The following LHFPL3 variants were observed in gnomAD, a reference collection of about 807,000 sequenced individuals.
LHFPL3 encodes the protein LHFPL tetraspan subfamily member 3 protein.
In LHFPL3, 5 loss-of-function variants were observed where a neutral mutation model predicts 19.3. The observed-to-expected ratio is 0.26, with a 90% CI of 0.14 to 0.54. The LOEUF is 0.54. Ranked by LOEUF, LHFPL3 falls within the 20% of genes least tolerant of loss-of-function variation. LHFPL3 has a pLI of 0.94. For synonymous variants in LHFPL3, 133 were observed against 126.2 expected (o/e 1.05, Z -0.36); for missense variants, 249 against 307.4 (o/e 0.81, Z 1.42).
chr7:104,406,345 G>T (rs771484567), intron 1 of LHFPL3, among the ~76,000 whole-genome samples: 1 of 152,210 alleles, frequency 6.6e-6, no homozygotes, highest in African/African-American at 2.4e-5. Flanking sequence ...GGCCAGGTTG[G>T]AAATATTAAG....
intron 1 of LHFPL3, among the ~76,000 whole-genome samples, chr7:104,622,408 C>T (rs1791462642): frequency 6.6e-6 from 1 of 152,188 alleles, no homozygotes; most frequent in Admixed American, 6.5e-5. Context: ...CCACTGCTCC[C>T]AGCCTTTAAA....
chr7:104,615,558 T>C (rs557608370), intron 1 of LHFPL3, among the ~76,000 whole-genome samples: 16 of 152,322 alleles, frequency 1.1e-4, no homozygotes, highest in African/African-American at 3.8e-4. Context: ...AGTTCTAGGA[T>C]ACATGTGCAG....
chr7:104,901,669 A>G, intron 2 of LHFPL3, among the ~76,000 whole-genome samples: 1 of 151,926 alleles, frequency 6.6e-6, no homozygotes, highest in Non-Finnish European at 1.5e-5. Flanking sequence ...CTGGTCTCAA[A>G]CGATCCTCCC....
At chr7:104,580,390 T>A (rs1182459334) in intron 1 of LHFPL3, among the ~76,000 whole-genome samples, 1 of 152,184 alleles carries the variant, frequency 6.6e-6, no homozygotes, top group Admixed American at 6.6e-5. Flanking sequence ...ATCACCCATG[T>A]ACTTGCCACC....
At chr7:104,425,134 C>T (rs911312748) in intron 1 of LHFPL3, among the ~76,000 whole-genome samples, 7 of 151,556 alleles carry the variant, frequency 4.6e-5, no homozygotes, top group African/African-American at 1.2e-4. Flanking sequence ...CTGATCACTA[C>T]ATAGTAGGGC....
At position 104,704,629 on chromosome 7, in the gene LHFPL3, T is replaced by A. The variant is rs138704842; in HGVS notation, c.446-32046T>A. Among the ~76,000 whole-genome samples, 215 of 98,590 alleles carry A rather than the reference T, an allele frequency of 2.2e-3. 2 individuals are homozygous for A. Among genetic ancestry groups the A allele is most frequent in the African/African-American group, 7.6e-3 (200 of 26,406 alleles). 64.7% of individuals were successfully genotyped at this position (98,590 alleles called of 152,430 possible). ...CAGGCAGGTGATATCTTAATCAGAA[T>A]TCTTTATTTCTTTTTTTTTTTTTTT... On this transcript the variant is annotated intron_variant, in intron 1 of 2. Coordinates refer to ENST00000424859, the MANE Select transcript of LHFPL3 (RefSeq NM_199000.3).
At chr7:104,666,851 G>A (rs1792364099) in intron 1 of LHFPL3, among the ~76,000 whole-genome samples, 1 of 151,944 alleles carries the variant, frequency 6.6e-6, no homozygotes, top group Non-Finnish European at 1.5e-5. Context: ...TAGCTGAGTA[G>A]TATTACATTT....
At chr7:104,594,709 A>C (rs4730026) in intron 1 of LHFPL3, among the ~76,000 whole-genome samples, 148,068 of 152,250 alleles carry the variant, frequency 0.97, 72,109 homozygotes, top group East Asian at 1. Flanking sequence ...CACATAGTCC[A>C]ATATTCCTTG....
chr7:104,565,717 GTCTGTCTATCTA>G lies in LHFPL3; in HGVS notation c.446-170954_446-170943del, dbSNP rs1445728098. Among the ~76,000 whole-genome samples the G allele has an allele frequency of 2.0e-3, 243 of 121,720 alleles. 2 individuals are homozygous for G. The highest frequency in any genetic ancestry group is 7.5e-3 in the African/African-American group (228 of 30,520). 79.9% of individuals were successfully genotyped at this position (121,720 alleles called of 152,430 possible). A position where few individuals can be genotyped will look rare whatever the true frequency, so the allele number is the denominator to read the frequency against. ...CAAGTTTCCCTGCACCTTCCTGTCT[GTCTGTCTATCTA>G]TCTATCTATCTATCTATCTATCTAT... On this transcript the variant is annotated intron_variant, in intron 1 of 2. Coordinates refer to ENST00000424859, the MANE Select transcript of LHFPL3 (RefSeq NM_199000.3).
chr7:104,473,951 A>T (rs1042317839), intron 1 of LHFPL3, among the ~76,000 whole-genome samples: 5 of 152,190 alleles, frequency 3.3e-5, no homozygotes, highest in African/African-American at 1.2e-4. Context: ...TTTCTCCTGC[A>T]TGTGCGTGCA....
rs1006282646 is a variant in LHFPL3 at position 104,804,405 on chromosome 7, C to T, written c.682+67494C>T. 1.1e-4 allele frequency among the ~76,000 whole-genome samples: 17 copies of T among 152,332 alleles called. No individual in the cohort carries two copies. In the South Asian group the frequency reaches 1.2e-3, roughly 11 times the overall value. On this transcript the variant is annotated intron_variant, in intron 2 of 2. Transcript: ENST00000424859. Reference sequence around the variant, plus strand: ...GGATGTCTGCCATCACTTTCTTCCACGTGATGGGCAAACTCTAGATGACCC... The same window carrying T: ...GGATGTCTGCCATCACTTTCTTCCATGTGATGGGCAAACTCTAGATGACCC...
At chr7:104,360,965 A>G (rs1382482640) in intron 1 of LHFPL3, among the ~76,000 whole-genome samples, 1 of 152,198 alleles carries the variant, frequency 6.6e-6, no homozygotes, top group African/African-American at 2.4e-5. Context: ...AATGACTTTT[A>G]CATTTTTTAA....
At chr7:104,814,095 G>A (rs1363541031) in intron 2 of LHFPL3, among the ~76,000 whole-genome samples, 1 of 152,194 alleles carries the variant, frequency 6.6e-6, no homozygotes, top group African/African-American at 2.4e-5. Flanking sequence ...CAGCTCAGAG[G>A]ATGCCTGCAG....
chr7:104,656,238 C>CT (rs34805214), intron 1 of LHFPL3, among the ~76,000 whole-genome samples: 19 of 149,588 alleles, frequency 1.3e-4, no homozygotes, highest in African/African-American at 2.7e-4. Context: ...CCACAGAGGA[C>CT]TTTTTTTTTT....
chr7:104,651,446 C>A (rs1175257683), intron 1 of LHFPL3, among the ~76,000 whole-genome samples: 2 of 152,196 alleles, frequency 1.3e-5, no homozygotes, highest in Non-Finnish European at 2.9e-5. Context: ...GATCCTGGGG[C>A]CTTGGCACCT....
At position 104,655,598 on chromosome 7, in the gene LHFPL3, C is replaced by T. The variant is rs142476938; in HGVS notation, c.446-81077C>T. 7.2e-3 allele frequency among the ~76,000 whole-genome samples: 1,102 copies of T among 152,220 alleles called. 17 individuals are homozygous for T. The highest frequency in any genetic ancestry group is 0.025 in the African/African-American group (1,039 of 41,530). ...GGTCAAATACATGTATTTCTTGTAT[C>T]GGATTGTTTGTAGTAGGGAATTTTG... On this transcript the variant is annotated intron_variant, in intron 1 of 2. Coordinates refer to ENST00000424859, the MANE Select transcript of LHFPL3 (RefSeq NM_199000.3).
At chr7:104,438,826 C>A (rs955729378) in intron 1 of LHFPL3, among the ~76,000 whole-genome samples, 1 of 147,148 alleles carries the variant, frequency 6.8e-6, no homozygotes, top group Non-Finnish European at 1.5e-5. Flanking sequence ...TTTAAAAAAA[C>A]AACAAAATTG....
rs564622523 is a variant in LHFPL3, at chr7:104,558,579, G to A, written c.446-178096G>A. ...AGTTCATTGTAGATTCTGGATATTAGCCCTTTGTCAGATAAGTAGGTTGCG... is the reference window on the plus strand; with the variant it reads ...AGTTCATTGTAGATTCTGGATATTAACCCTTTGTCAGATAAGTAGGTTGCG... On this transcript the variant is annotated intron_variant, in intron 1 of 2. Transcript: ENST00000424859. Among the ~76,000 whole-genome samples, 7 of 150,980 alleles carry A rather than the reference G, an allele frequency of 4.6e-5. No individual in the cohort carries two copies. The East Asian group carries it at 1.4e-3, about 29-fold the overall frequency.
At chr7:104,858,803 CT>C (rs1036528539) in intron 2 of LHFPL3, among the ~76,000 whole-genome samples, 9 of 152,066 alleles carry the variant, frequency 5.9e-5, no homozygotes, top group African/African-American at 1.9e-4. Context: ...CTGTCAATTA[CT>C]TTTTTTTCTC....
Sources: allele counts gnomAD v4.1 joint callset (sites outside exome capture counted in the v4.1 genomes callset), GRCh38; gene constraint gnomAD v4.1.1; transcripts MANE v1.5; gene names NCBI Gene and HGNC (gene_info 2026-07-23, HGNC 2026-07-21).